Variants in ACYP2 observed in about 807,000 individuals in gnomAD.
The protein encoded by ACYP2 is acylphosphatase 2, also known as acylphosphatase-2.
In ACYP2, 12 loss-of-function variants were observed where a neutral mutation model predicts 11.2. The ratio of observed to expected loss-of-function variants is 1.08; its 90% CI spans 0.69 to 1.74. ACYP2 has a LOEUF of 1.74. Among genes scored for constraint, ACYP2 ranks in the 40% most tolerant of loss-of-function variants. The pLI is 0.00. For synonymous variants in ACYP2, 43 were observed against 32.2 expected (o/e 1.33, Z -1.13); for missense variants, 134 against 101.9 (o/e 1.31, Z -1.35).
intron 2 of ACYP2, among the ~76,000 whole-genome samples, chr2:54,024,335 C>T (rs1674162719): frequency 6.6e-6 from 1 of 152,174 alleles, no homozygotes; most frequent in African/African-American, 2.4e-5. Context: ...CACTGTACTC[C>T]AGCCTGGGCA....
chr2:54,096,933 C>A (rs903400277), intron 4 of ACYP2, among the ~76,000 whole-genome samples: 1 of 152,186 alleles, frequency 6.6e-6, no homozygotes, highest in Non-Finnish European at 1.5e-5. Flanking sequence ...TGGTCTTGAA[C>A]TCTTGACCTC....
chr2:54,248,537 C>G (rs1687066943), intron 6 of ACYP2, among the ~76,000 whole-genome samples: 1 of 152,048 alleles, frequency 6.6e-6, no homozygotes, highest in Non-Finnish European at 1.5e-5. Context: ...TTAGAAGCCA[C>G]TTCTTATAGG....
At chr2:54,002,532 G>A (rs1047314242) in intron 2 of ACYP2, among the ~76,000 whole-genome samples, 7 of 151,742 alleles carry the variant, frequency 4.6e-5, no homozygotes, top group African/African-American at 1.5e-4. Flanking sequence ...TTTTAGTAGA[G>A]ACGAGGGACA....
At chr2:54,274,625 C>CAAAAAAAA (rs70944155) in intron 6 of ACYP2, among the ~76,000 whole-genome samples, 4 of 37,686 alleles carry the variant, frequency 1.1e-4, no homozygotes, top group African/African-American at 4.9e-4. Context: ...GACTCCATCT[C>CAAAAAAAA]AAAAAAAAAA....
At chr2:53,972,588 C>A (rs1453228010) in intron 1 of ACYP2, among the ~76,000 whole-genome samples, 5 of 151,346 alleles carry the variant, frequency 3.3e-5, no homozygotes, top group South Asian at 4.2e-4. Flanking sequence ...GCCTGGGTGG[C>A]AGAGCGAGAC....
chr2:54,185,260 C>G (rs1683928505), intron 6 of ACYP2, among the ~76,000 whole-genome samples: 1 of 152,140 alleles, frequency 6.6e-6, no homozygotes, highest in African/African-American at 2.4e-5. Flanking sequence ...TTGCTGGTAG[C>G]TTTTACTCTT....
chr2:54,123,923 C>G (rs1017498067), intron 4 of ACYP2, among the ~76,000 whole-genome samples: 16 of 152,196 alleles, frequency 1.1e-4, no homozygotes, highest in Admixed American at 2.0e-4. Flanking sequence ...GAAACATCAA[C>G]TGGCACATTG....
intron 6 of ACYP2, chr2:54,267,172 C>T: frequency 1.1e-6 from 1 of 909,828 alleles, no homozygotes; most frequent in Non-Finnish European, 1.6e-6. Flanking sequence ...ATGTATTATT[C>T]ATGTATTTTT....
At chr2:54,254,727 G>C (rs940048108) in intron 6 of ACYP2, 2 of 581,676 alleles carry the variant, frequency 3.4e-6, no homozygotes, top group African/African-American at 3.7e-5. Context: ...ATAGCAAGAC[G>C]ACCAGGTGAA....
intron 4 of ACYP2, among the ~76,000 whole-genome samples, chr2:54,071,543 G>T (rs1167125620): frequency 6.6e-6 from 1 of 151,826 alleles, no homozygotes; most frequent in East Asian, 1.9e-4. Flanking sequence ...ATAGCTCACT[G>T]CAGCCTTGAC....
chr2:54,163,615 G>A (rs1454457581), intron 6 of ACYP2, among the ~76,000 whole-genome samples: 1 of 152,162 alleles, frequency 6.6e-6, no homozygotes, highest in Non-Finnish European at 1.5e-5. Context: ...AGCACTTTGG[G>A]AGGCCTAGGG....
intron 2 of ACYP2, among the ~76,000 whole-genome samples, chr2:53,997,427 T>A (rs1327490861): frequency 6.6e-6 from 1 of 152,154 alleles, no homozygotes; most frequent in Non-Finnish European, 1.5e-5. Context: ...TGCCTCAGCC[T>A]ACTGAGTAGC....
chr2:54,182,262 G>T (rs900568281), intron 6 of ACYP2, among the ~76,000 whole-genome samples: 12 of 151,892 alleles, frequency 7.9e-5, no homozygotes, highest in Non-Finnish European at 1.3e-4. Flanking sequence ...GTTTCGTCAT[G>T]TTGGCCAGGC....
rs1012356695 is a variant in ACYP2 at position 54,129,286 on chromosome 2, A to G, written c.278-6167A>G. On this transcript the variant is annotated intron_variant, in intron 4 of 6. Coordinates refer to ENST00000607452, the MANE Select transcript of ACYP2 (RefSeq NM_001320586.2). ...TCATTAGGGATTTTAGACTTTAGAG[A>G]TTTTTAATTAAAATTTTTATTTTTC... 2.0e-5 allele frequency among the ~76,000 whole-genome samples: 3 copies of G among 152,016 alleles called. No homozygotes were observed. The South Asian group carries it at 6.2e-4, about 31-fold the overall frequency.
At chr2:53,997,388 C>A (rs1299171886) in intron 2 of ACYP2, among the ~76,000 whole-genome samples, 10 of 152,176 alleles carry the variant, frequency 6.6e-5, no homozygotes, top group African/African-American at 2.4e-4. Context: ...TCACTACAAC[C>A]TCTGCCTTCC....
intron 6 of ACYP2, among the ~76,000 whole-genome samples, chr2:54,284,019 G>C (rs1688964128): frequency 6.6e-6 from 1 of 152,212 alleles, no homozygotes; most frequent in Non-Finnish European, 1.5e-5. Flanking sequence ...GCTGAGGCAG[G>C]AGAATCACTT....
chr2:54,086,346 C>T (rs1677946569), intron 4 of ACYP2, among the ~76,000 whole-genome samples: 1 of 152,098 alleles, frequency 6.6e-6, no homozygotes, highest in Non-Finnish European at 1.5e-5. Flanking sequence ...AGGCCTTGTT[C>T]CTCTAAAACC....
intron 2 of ACYP2, among the ~76,000 whole-genome samples, chr2:54,029,347 C>T (rs901799069): frequency 6.6e-6 from 1 of 151,566 alleles, no homozygotes; most frequent in Non-Finnish European, 1.5e-5. Context: ...CCTTGATGAC[C>T]TACCTGAGGT....
intron 5 of ACYP2, among the ~76,000 whole-genome samples, chr2:54,138,053 A>G (rs995316642): frequency 2.0e-5 from 3 of 151,886 alleles, no homozygotes; most frequent in Non-Finnish European, 2.9e-5. Flanking sequence ...GCATTTTTTC[A>G]TATGCTTCTT....
Sources: allele counts gnomAD v4.1 joint callset (sites outside exome capture counted in the v4.1 genomes callset), GRCh38; gene constraint gnomAD v4.1.1; transcripts MANE v1.5; gene names NCBI Gene and HGNC (gene_info 2026-07-23, HGNC 2026-07-21).